Variants in TOX2 observed in about 807,000 individuals in gnomAD.
The protein encoded by TOX2 is TOX high mobility group box family member 2.
In TOX2, 15 loss-of-function variants were observed where a neutral mutation model predicts 47.4. The observed-to-expected ratio is 0.32, with a 90% confidence interval of 0.21 to 0.49. The LOEUF is 0.49. TOX2 is among the 20% of genes least tolerant of loss of function. The probability of loss-of-function intolerance (pLI) is 0.99; values close to 1 mark genes in which losing one functional copy is unlikely to be tolerated. For missense variants in TOX2, 622 were observed against 673.1 expected (o/e 0.92, Z 0.84); for synonymous variants, 290 against 296.6 (o/e 0.98, Z 0.23).
chr20:43,935,831 G>A (rs1445501081), intron 1 of TOX2, among the ~76,000 whole-genome samples: 1 of 150,100 alleles, frequency 6.7e-6, no homozygotes, highest in East Asian at 2.0e-4. Context: ...GGAGGCTGAG[G>A]CAGGAGAATC....
At chr20:44,054,248 G>T (rs138839996) in intron 4 of TOX2, 51 bp from the exon 5 acceptor site, 14 of 1,552,746 alleles carry the variant, frequency 9.0e-6, no homozygotes, top group Non-Finnish European at 1.1e-5. Flanking sequence ...ATCGCCTTTG[G>T]CAGGAGGCCC....
chr20:43,926,801 C>G (rs934172502), intron 1 of TOX2, among the ~76,000 whole-genome samples: 1 of 152,216 alleles, frequency 6.6e-6, no homozygotes, highest in Admixed American at 6.5e-5. Context: ...CCAGTCTCCT[C>G]GAAAGATTTG....
chr20:44,000,831 C>G (rs1376440935), intron 2 of TOX2, among the ~76,000 whole-genome samples: 1 of 151,910 alleles, frequency 6.6e-6, no homozygotes, highest in African/African-American at 2.4e-5. Flanking sequence ...TCTCTGGTGT[C>G]CCAGAAGCCA....
chr20:43,924,039 A>G (rs1005644455), intron 1 of TOX2, among the ~76,000 whole-genome samples: 5 of 152,330 alleles, frequency 3.3e-5, no homozygotes, highest in African/African-American at 9.6e-5. Flanking sequence ...AACAGCAGGC[A>G]GTTCCCTTGG....
At chr20:44,062,404 A>AAATAAATAAATAAATG (rs756138400) in intron 5 of TOX2, among the ~76,000 whole-genome samples, 4 of 144,996 alleles carry the variant, frequency 2.8e-5, no homozygotes, top group African/African-American at 1.0e-4. Context: ...ATAAATAAAT[A>AAATAAATAAATAAATG]AATGAATAAA....
chr20:43,953,531 A>T (rs2069616956), intron 1 of TOX2, among the ~76,000 whole-genome samples: 1 of 152,052 alleles, frequency 6.6e-6, no homozygotes, highest in African/African-American at 2.4e-5. Flanking sequence ...GCTTGGGCTG[A>T]TCCGGGTTGG....
chr20:43,921,662 C>CT lies in TOX2; in HGVS notation c.99+6683dup, dbSNP rs1277884234. Among the ~76,000 whole-genome samples the CT allele has an allele frequency of 9.4e-3, 1,393 of 147,904 alleles. 20 individuals carry two copies. The highest frequency in any genetic ancestry group is 0.031 in the African/African-American group (1,267 of 40,616). On this transcript the variant is annotated intron_variant, in intron 1 of 8. Coordinates refer to ENST00000341197, the MANE Select transcript of TOX2 (RefSeq NM_001098797.2). ...GCCCCGCCATGTTCTTCTTCTTCTT[C>CT]TTTTTTTTTTTCTAGAGACACAGTC...
chr20:44,010,920 G>A (rs57366242), intron 3 of TOX2, among the ~76,000 whole-genome samples: 1,814 of 152,194 alleles, frequency 0.012, 36 homozygotes, highest in African/African-American at 0.041. Context: ...CTGAAATCAC[G>A]GTGTCAGGAG....
intron 1 of TOX2, among the ~76,000 whole-genome samples, chr20:43,918,896 G>A (rs1028796700): frequency 2.0e-5 from 3 of 152,152 alleles, no homozygotes; most frequent in Admixed American, 1.3e-4. Context: ...CTGAGTTTCA[G>A]GACGGTTAAG....
At chr20:43,995,659 TCCCTCCTCCCA>T in intron 2 of TOX2, among the ~76,000 whole-genome samples, 1 of 152,284 alleles carries the variant, frequency 6.6e-6, no homozygotes, top group African/African-American at 2.4e-5. Context: ...TCTGCTCCTC[TCCCTCCTCCCA>T]CCCTCAAGTA....
At chr20:43,962,899 C>T (rs887643192) in intron 1 of TOX2, among the ~76,000 whole-genome samples, 3 of 152,196 alleles carry the variant, frequency 2.0e-5, no homozygotes, top group African/African-American at 7.2e-5. Flanking sequence ...AATTGTAATA[C>T]TTTAGTTAAC....
intron 1 of TOX2, among the ~76,000 whole-genome samples, chr20:43,952,409 A>C (rs570982407): frequency 1.8e-4 from 27 of 152,232 alleles, no homozygotes; most frequent in African/African-American, 6.3e-4. Context: ...TATCATAAGG[A>C]AGGCTTATTT....
In TOX2 at chr20:44,053,574, CATAT is replaced by C. The variant is rs200473534; in HGVS notation, c.652-719_652-716del. ...TACATATATACTATATATACACACA[CATAT>C]ATATACTATATATACACACACATAT... is the stretch of plus-strand genomic sequence containing the variant. On this transcript the variant is annotated intron_variant, in intron 4 of 8. Coordinates refer to ENST00000341197, the MANE Select transcript of TOX2 (RefSeq NM_001098797.2). 5.2e-4 allele frequency among the ~76,000 whole-genome samples: 71 copies of C among 136,122 alleles called. 1 individual carries two copies. The South Asian group carries it at 0.015, about 29-fold the overall frequency. The allele number at this position is 136,122 out of a possible 152,430, so 89.3% of individuals were successfully genotyped here.
chr20:44,048,388 T>TTATATATATATATA (rs11472862), intron 3 of TOX2, among the ~76,000 whole-genome samples: 871 of 86,698 alleles, frequency 0.01, 46 homozygotes, highest in East Asian at 0.028. Flanking sequence ...TAAAATGAAT[T>TTATATATATATATA]TATATATATA....
At chr20:43,919,744 G>A (rs760665412) in intron 1 of TOX2, among the ~76,000 whole-genome samples, 1 of 152,114 alleles carries the variant, frequency 6.6e-6, no homozygotes, top group Non-Finnish European at 1.5e-5. Context: ...TCATTGTTCA[G>A]CTCCCACTTA....
intron 5 of TOX2, among the ~76,000 whole-genome samples, chr20:44,056,539 A>T (rs1280762636): frequency 6.6e-6 from 1 of 152,194 alleles, no homozygotes; most frequent in Admixed American, 6.5e-5. Context: ...AGCGCAGCCC[A>T]GAGGCAAGCA....
At chr20:44,031,711 ATGAAGTGGGCTC>A (rs1365845079) in intron 3 of TOX2, among the ~76,000 whole-genome samples, 3 of 152,084 alleles carry the variant, frequency 2.0e-5, no homozygotes, top group African/African-American at 7.2e-5. Context: ...GGCCAGGAAA[ATGAAGTGGGCTC>A]TGAACCTTGG....
intron 4 of TOX2, 86 bp downstream of exon 4, chr20:44,051,631 C>G (rs2071514090): frequency 6.7e-7 from 1 of 1,493,890 alleles, no homozygotes; most frequent in Admixed American, 2.3e-5. Context: ...TCACCTCCCT[C>G]TAGTAAAGAC....
At chr20:44,048,482 T>C (rs934343470) in intron 3 of TOX2, among the ~76,000 whole-genome samples, 5 of 146,922 alleles carry the variant, frequency 3.4e-5, no homozygotes, top group African/African-American at 1.0e-4. Flanking sequence ...ATGAAGGATA[T>C]TGTGAAAACA....
Sources: gnomAD v4.1 joint callset for allele counts (sites outside exome capture counted in the v4.1 genomes callset) on GRCh38, gnomAD v4.1.1 for gene constraint, MANE v1.5 for transcripts, NCBI Gene and HGNC (gene_info 2026-07-23, HGNC 2026-07-21) for gene names.